Variants in NOSTRIN observed in about 807,000 individuals in gnomAD.
NOSTRIN encodes the protein nitric oxide synthase trafficking.
In NOSTRIN, 63 loss-of-function variants were observed where a neutral mutation model predicts 59.0. That is an observed-to-expected ratio of 1.07 (90% CI 0.87 to 1.32). The LOEUF (loss-of-function observed/expected upper bound fraction) is 1.32, where lower values mean the gene tolerates loss of function less well. Ranked by LOEUF, NOSTRIN falls within the 40% of genes most tolerant of loss-of-function variation. The probability of loss-of-function intolerance (pLI) is 0.00; values close to 1 mark genes in which losing one functional copy is unlikely to be tolerated. For synonymous variants in NOSTRIN, 200 were observed against 165.4 expected (o/e 1.21, Z -1.61); for missense variants, 512 against 473.1 (o/e 1.08, Z -0.76).
At chr2:168,829,908 G>A (rs978962581) in intron 5 of NOSTRIN, among the ~76,000 whole-genome samples, 1 of 152,144 alleles carries the variant, frequency 6.6e-6, no homozygotes, top group African/African-American at 2.4e-5. Flanking sequence ...AGAAGGATGA[G>A]GAGAGGTGTG....
intron 2 of NOSTRIN, chr2:168,818,331 A>AT (rs1198295950): frequency 7.7e-5 from 21 of 273,200 alleles, no homozygotes; most frequent in Admixed American, 5.9e-4. Flanking sequence ...TTTTAAACAA[A>AT]TTTTTTGTAG....
At chr2:168,806,036 G>T (rs565732125) in intron 1 of NOSTRIN, among the ~76,000 whole-genome samples, 1 of 152,062 alleles carries the variant, frequency 6.6e-6, no homozygotes, top group African/African-American at 2.4e-5. Context: ...TCCATATCCC[G>T]TAATCTATGA....
chr2:168,831,334 G>A (rs2105651031), intron 5 of NOSTRIN, 138 bp from the exon 6 acceptor site: 1 of 595,912 alleles, frequency 1.7e-6, no homozygotes, highest in Admixed American at 2.6e-5. Flanking sequence ...TCATTTCTCA[G>A]AGCCTCCACC....
chr2:168,808,788 A>G (rs1436455684), intron 1 of NOSTRIN, among the ~76,000 whole-genome samples: 2 of 152,254 alleles, frequency 1.3e-5, no homozygotes. Flanking sequence ...CCAAATTGAT[A>G]CATGTATGTA....
chr2:168,794,631 G>A (rs1336608079), upstream of NOSTRIN, among the ~76,000 whole-genome samples: 2 of 152,224 alleles, frequency 1.3e-5, no homozygotes, highest in Admixed American at 1.3e-4. Flanking sequence ...GCTTACAGGC[G>A]TGAGCTACCA....
intron 8 of NOSTRIN, among the ~76,000 whole-genome samples, chr2:168,850,684 A>T (rs2105752880): frequency 6.6e-6 from 1 of 151,330 alleles, no homozygotes; most frequent in African/African-American, 2.4e-5. Flanking sequence ...AGGCCAAGAC[A>T]GGTGGACCAT....
intron 10 of NOSTRIN, among the ~76,000 whole-genome samples, chr2:168,852,666 A>T (rs1688839677): frequency 6.6e-6 from 1 of 152,082 alleles, no homozygotes; most frequent in South Asian, 2.1e-4. Flanking sequence ...ACCTCCCTGG[A>T]CCTCTGATCA....
chr2:168,812,701 C>T (rs938284237), intron 2 of NOSTRIN, among the ~76,000 whole-genome samples: 16 of 152,080 alleles, frequency 1.1e-4, no homozygotes, highest in African/African-American at 2.9e-4. Flanking sequence ...GGTAAATATA[C>T]GGGAAGAGTA....
At chr2:168,789,064 G>A (rs1685278958) in intron 2 of NOSTRIN, among the ~76,000 whole-genome samples, 1 of 152,150 alleles carries the variant, frequency 6.6e-6, no homozygotes. Flanking sequence ...TCCACTAAAG[G>A]AACCAGGGCT....
chr2:168,854,367 C>A (rs897089190), intron 10 of NOSTRIN, among the ~76,000 whole-genome samples: 4 of 152,292 alleles, frequency 2.6e-5, no homozygotes, highest in South Asian at 2.1e-4. Context: ...GCATCCTCCC[C>A]TCCCACCTTG....
intron 6 of NOSTRIN, among the ~76,000 whole-genome samples, chr2:168,833,286 A>C (rs1047644882): frequency 6.6e-6 from 1 of 152,214 alleles, no homozygotes; most frequent in African/African-American, 2.4e-5. Flanking sequence ...CCCAGCAGGC[A>C]TGTGGCTGAC....
chr2:168,801,317 C>T (rs1372603290), upstream of NOSTRIN: 1 of 149,940 alleles, frequency 6.7e-6, no homozygotes, highest in Non-Finnish European at 1.5e-5. Flanking sequence ...AACCCCTAGA[C>T]CCAAGAAATC....
In NOSTRIN at chr2:168,864,924, T is replaced by G; in HGVS notation, c.1475T>G (p.Val492Gly). Residue 492 changes from valine to glycine, a missense_variant, in exon 16 of 16, where the codon GTG becomes GGG. By Grantham distance (109) the Val-to-Gly change is moderately radical. Coordinates refer to ENST00000317647, the MANE Select transcript of NOSTRIN (RefSeq NM_001039724.4). ...AAAGGCCATTTTCCTGCCGCTTATG[T>G]GGAGGAGTTACCTTCAAATGCTGGC... ...GKKGHFPAAY[V>G]EELPSNAGNT... 1 of 1,614,088 alleles carries G rather than the reference T, an allele frequency of 6.2e-7. No homozygotes were observed. The highest frequency in any genetic ancestry group is 8.5e-7 in the Non-Finnish European group (1 of 1,180,002).
At chr2:168,834,716 T>C (rs1393250773) in intron 7 of NOSTRIN, among the ~76,000 whole-genome samples, 1 of 151,942 alleles carries the variant, frequency 6.6e-6, no homozygotes, top group African/African-American at 2.4e-5. Flanking sequence ...TTAAAAAATA[T>C]TATTGACAGA....
At chr2:168,800,166 G>A (rs967267756), upstream of NOSTRIN, among the ~76,000 whole-genome samples, 2 of 152,230 alleles carry the variant, frequency 1.3e-5, no homozygotes, top group African/African-American at 4.8e-5. Context: ...CCCCTGCCCA[G>A]AAAAGCCCAG....
At chr2:168,820,755 C>T (rs1481498208) in intron 2 of NOSTRIN, among the ~76,000 whole-genome samples, 1 of 147,192 alleles carries the variant, frequency 6.8e-6, no homozygotes, top group Non-Finnish European at 1.5e-5. Flanking sequence ...TCAAAGTGAA[C>T]AAGGACCCCT....
At chr2:168,837,060 A>G (rs1559124960) in intron 7 of NOSTRIN, among the ~76,000 whole-genome samples, 1 of 152,080 alleles carries the variant, frequency 6.6e-6, no homozygotes, top group Non-Finnish European at 1.5e-5. Flanking sequence ...GTGGAAAGAG[A>G]GCAAGGAAGC....
intron 15 of NOSTRIN, among the ~76,000 whole-genome samples, chr2:168,862,718 C>G (rs983639751): frequency 6.6e-6 from 1 of 152,040 alleles, no homozygotes; most frequent in African/African-American, 2.4e-5. Flanking sequence ...ATAATGTAAA[C>G]CACAACATTA....
upstream of NOSTRIN, among the ~76,000 whole-genome samples, chr2:168,799,452 G>T (rs1685562165): frequency 6.6e-6 from 1 of 152,150 alleles, no homozygotes. Flanking sequence ...CATGCTCGGG[G>T]ACAAATGTGC....
Sources: allele counts gnomAD v4.1 joint callset (sites outside exome capture counted in the v4.1 genomes callset), GRCh38; gene constraint gnomAD v4.1.1; transcripts MANE v1.5; gene names NCBI Gene and HGNC (gene_info 2026-07-23, HGNC 2026-07-21).